Variants in CSMD1 observed in about 807,000 individuals in gnomAD.
CSMD1 encodes CUB and Sushi multiple domains 1, also known as CUB and sushi domain-containing protein 1.
Under a neutral mutation model 417.5 loss-of-function variants are expected in CSMD1, and 213 were observed. That is an observed-to-expected ratio of 0.51 (90% CI 0.46 to 0.57). The LOEUF is 0.57. Among genes scored for constraint, CSMD1 ranks in the 20% least tolerant of loss-of-function variants. The pLI is 0.00. For missense variants in CSMD1, 6,923 were observed against 4,529.7 expected, an observed-to-expected ratio of 1.53 and a Z score of -15.17; for synonymous variants, 2,862 against 1,736.8, an observed-to-expected ratio of 1.65 and a Z score of -16.11.
At chr8:3,579,920 A>G (rs553368037) in intron 9 of CSMD1, among the ~76,000 whole-genome samples, 2 of 152,218 alleles carry the variant, frequency 1.3e-5, no homozygotes, top group South Asian at 2.1e-4. Flanking sequence ...CATGGCCAAC[A>G]TGGTGAAACC....
chr8:4,741,830 T>G (rs1286052970), intron 1 of CSMD1, among the ~76,000 whole-genome samples: 2 of 151,570 alleles, frequency 1.3e-5, no homozygotes, highest in Non-Finnish European at 2.9e-5. Context: ...CTTTAAGGAG[T>G]TTGGGTGTTA....
At chr8:3,401,218 T>TCAAC (rs1320772007) in intron 15 of CSMD1, among the ~76,000 whole-genome samples, 4 of 152,050 alleles carry the variant, frequency 2.6e-5, no homozygotes, top group African/African-American at 9.7e-5. Context: ...TCCAAAAAAA[T>TCAAC]TATGATAGTT....
intron 3 of CSMD1, among the ~76,000 whole-genome samples, chr8:4,127,004 C>A (rs1027870338): frequency 2.0e-5 from 3 of 152,128 alleles, no homozygotes; most frequent in African/African-American, 7.2e-5. Flanking sequence ...TTGAGAGCCA[C>A]TGGCCTACAA....
intron 2 of CSMD1, among the ~76,000 whole-genome samples, chr8:4,504,230 G>C (rs78077574): frequency 1.3e-4 from 20 of 152,310 alleles, no homozygotes; most frequent in African/African-American, 4.6e-4. Context: ...GTCAGTTACA[G>C]AAAGTCAAAT....
At chr8:3,837,348 C>G (rs759056281) in intron 5 of CSMD1, among the ~76,000 whole-genome samples, 2 of 152,076 alleles carry the variant, frequency 1.3e-5, no homozygotes, top group Admixed American at 1.3e-4. Context: ...GAGCCCCAGG[C>G]TGGAGCTATA....
At chr8:4,418,225 C>T (rs1364367427) in intron 3 of CSMD1, among the ~76,000 whole-genome samples, 2 of 152,114 alleles carry the variant, frequency 1.3e-5, no homozygotes, top group African/African-American at 4.8e-5. Context: ...TCATTTTCTA[C>T]ATAGCCACAT....
intron 3 of CSMD1, among the ~76,000 whole-genome samples, chr8:4,207,138 T>C (rs956452258): frequency 2.6e-5 from 4 of 152,146 alleles, no homozygotes; most frequent in African/African-American, 9.7e-5. Flanking sequence ...GGACAGTTGG[T>C]AAAAATAGGA....
At chr8:4,025,565 C>T (rs1469500607) in intron 4 of CSMD1, among the ~76,000 whole-genome samples, 1 of 152,180 alleles carries the variant, frequency 6.6e-6, no homozygotes, top group African/African-American at 2.4e-5. Context: ...CCTAGACAGA[C>T]ATCATGCCTG....
At chr8:4,148,539 C>G (rs952470247) in intron 3 of CSMD1, among the ~76,000 whole-genome samples, 1 of 151,736 alleles carries the variant, frequency 6.6e-6, no homozygotes, top group Non-Finnish European at 1.5e-5. Context: ...AACGCATTGG[C>G]TACTTGGAGT....
intron 3 of CSMD1, among the ~76,000 whole-genome samples, chr8:4,313,022 G>A (rs1374161690): frequency 6.6e-6 from 1 of 152,124 alleles, no homozygotes; most frequent in Non-Finnish European, 1.5e-5. Context: ...TTTAGAGAAT[G>A]ATTCACATAA....
At chr8:3,982,054 C>T (rs1423309168) in intron 5 of CSMD1, among the ~76,000 whole-genome samples, 1 of 151,524 alleles carries the variant, frequency 6.6e-6, no homozygotes, top group African/African-American at 2.4e-5. Context: ...GCCTGTAATC[C>T]CAGCTACGCA....
intron 5 of CSMD1, among the ~76,000 whole-genome samples, chr8:3,927,269 A>T (rs928666388): frequency 6.6e-6 from 1 of 152,060 alleles, no homozygotes; most frequent in Non-Finnish European, 1.5e-5. Context: ...TATAGCAGAC[A>T]TAAGCTAATA....
chr8:3,597,954 G>A (rs1801172448), intron 8 of CSMD1, among the ~76,000 whole-genome samples: 1 of 152,132 alleles, frequency 6.6e-6, no homozygotes, highest in Non-Finnish European at 1.5e-5. Flanking sequence ...CCTGCACGTT[G>A]TGCACATGTA....
At chr8:3,878,719 T>G (rs2129118783) in intron 5 of CSMD1, among the ~76,000 whole-genome samples, 1 of 152,320 alleles carries the variant, frequency 6.6e-6, no homozygotes, top group Non-Finnish European at 1.5e-5. Flanking sequence ...TGAGACACTG[T>G]GTCATGGGAA....
intron 7 of CSMD1, among the ~76,000 whole-genome samples, chr8:3,679,823 A>T (rs990198958): frequency 1.3e-5 from 2 of 152,232 alleles, no homozygotes; most frequent in Non-Finnish European, 2.9e-5. Context: ...AAGCGAAATT[A>T]TAACAAACTG....
rs370068282 is a variant in CSMD1, at chr8:3,934,679, C to A, written c.818+63224G>T. On this transcript the variant is annotated intron_variant, in intron 5 of 69. Transcript: ENST00000635120. Reference sequence around the variant, plus strand: ...GACCAGCCTGGCCAACATGATGAAACCCTGTCTCTACTAAACATGCAAAAA... The same window carrying A: ...GACCAGCCTGGCCAACATGATGAAAACCTGTCTCTACTAAACATGCAAAAA... 1.4e-4 allele frequency among the ~76,000 whole-genome samples: 21 copies of A among 152,030 alleles called. No homozygotes were observed. The East Asian group carries it at 2.1e-3, about 16-fold the overall frequency.
chr8:3,718,975 G>A (rs778344790), intron 6 of CSMD1, among the ~76,000 whole-genome samples: 6 of 152,070 alleles, frequency 3.9e-5, no homozygotes, highest in Non-Finnish European at 8.8e-5. Context: ...ATAAGAAAGC[G>A]CAAAGGGGGA....
At chr8:4,146,686 A>G (rs975738723) in intron 3 of CSMD1, among the ~76,000 whole-genome samples, 2 of 130,254 alleles carry the variant, frequency 1.5e-5, no homozygotes, top group East Asian at 4.5e-4. Flanking sequence ...ATCTGGACTC[A>G]CTGCAAGCTC....
At chr8:3,038,994 C>T (rs890869860) in intron 50 of CSMD1, among the ~76,000 whole-genome samples, 6 of 152,126 alleles carry the variant, frequency 3.9e-5, no homozygotes, top group African/African-American at 1.4e-4. Flanking sequence ...GAATAGATGG[C>T]GACAAGCAGA....
Sources: allele counts gnomAD v4.1 joint callset (sites outside exome capture counted in the v4.1 genomes callset), GRCh38; gene constraint gnomAD v4.1.1; transcripts MANE v1.5; gene names NCBI Gene and HGNC (gene_info 2026-07-23, HGNC 2026-07-21).